OR51C1: variants seen among roughly 807,000 people sequenced by gnomAD.
OR51C1 encodes olfactory receptor OR51C1.
At chr11:4,695,692 C>T in the OR51C1 span, among the ~76,000 whole-genome samples, 3 of 152,028 alleles carry the variant, frequency 2.0e-5, no homozygotes, top group Admixed American at 2.0e-4. Context: ...TTTTTCTCTC[C>T]CTCATCTCAA....
chr11:4,692,172 G>A, the OR51C1 span: 1 of 452,822 alleles, frequency 2.2e-6, no homozygotes, highest in South Asian at 1.6e-5. Flanking sequence ...CATAAGTGTG[G>A]AAAGCAGAGA....
chr11:4,691,618 T>A, the OR51C1 span: 1 of 450,442 alleles, frequency 2.2e-6, no homozygotes, highest in Non-Finnish European at 4.5e-6. Flanking sequence ...GGAATGGAGA[T>A]CCAGGTGTGG....
At chr11:4,697,499 A>G in the OR51C1 span, among the ~76,000 whole-genome samples, 1 of 152,220 alleles carries the variant, frequency 6.6e-6, no homozygotes, top group Non-Finnish European at 1.5e-5. Flanking sequence ...ATTTCCTGGG[A>G]ATAAATAATT....
At chr11:4,694,427 C>A in the OR51C1 span, among the ~76,000 whole-genome samples, 1 of 151,624 alleles carries the variant, frequency 6.6e-6, no homozygotes, top group Non-Finnish European at 1.5e-5. Context: ...CACTTTAGCT[C>A]CTATCAACCA....
chr11:4,691,460 G>T, the OR51C1 span: 1 of 456,726 alleles, frequency 2.2e-6, no homozygotes, highest in South Asian at 1.6e-5. Context: ...TCAGCATGGT[G>T]ACCAGAGTGG....
At chr11:4,696,331 A>G in the OR51C1 span, among the ~76,000 whole-genome samples, 2 of 152,122 alleles carry the variant, frequency 1.3e-5, no homozygotes, top group Admixed American at 6.6e-5. Flanking sequence ...CTAGTAAATC[A>G]TTGAATTAAA....
chr11:4,695,923 A>T, the OR51C1 span, among the ~76,000 whole-genome samples: 1 of 152,072 alleles, frequency 6.6e-6, no homozygotes, highest in Non-Finnish European at 1.5e-5. Flanking sequence ...GGTTATTCTC[A>T]TGGCTTTAAA....
chr11:4,696,530 C>A, the OR51C1 span, among the ~76,000 whole-genome samples: 1 of 152,172 alleles, frequency 6.6e-6, no homozygotes, highest in Non-Finnish European at 1.5e-5. Context: ...GCTATTATTT[C>A]ATTGCATTTT....
At chr11:4,691,301 A>C in the OR51C1 span, 3 of 457,234 alleles carry the variant, frequency 6.6e-6, no homozygotes, top group Non-Finnish European at 1.3e-5. Context: ...AAATCATGGC[A>C]TACCTAAGGG....
At chr11:4,696,794 G>A in the OR51C1 span, among the ~76,000 whole-genome samples, 1 of 152,170 alleles carries the variant, frequency 6.6e-6, no homozygotes, top group East Asian at 1.9e-4. Flanking sequence ...ACTATTATAA[G>A]CTATAGCTTG....
chr11:4,692,900 A>G, the OR51C1 span, among the ~76,000 whole-genome samples: 2 of 152,100 alleles, frequency 1.3e-5, no homozygotes, highest in African/African-American at 4.8e-5. Flanking sequence ...ATTAACAGAA[A>G]ACTAGATGAA....
At chr11:4,693,108 T>C in the OR51C1 span, among the ~76,000 whole-genome samples, 1 of 152,172 alleles carries the variant, frequency 6.6e-6, no homozygotes, top group African/African-American at 2.4e-5. Context: ...ATTTTAAATG[T>C]TCACAGCACA....
At chr11:4,693,689 T>A in the OR51C1 span, among the ~76,000 whole-genome samples, 1 of 152,004 alleles carries the variant, frequency 6.6e-6, no homozygotes, top group Non-Finnish European at 1.5e-5. Flanking sequence ...GCCATTGCAC[T>A]CCAACCTGGG....
the OR51C1 span, chr11:4,690,876 G>C: frequency 4.4e-6 from 2 of 456,508 alleles, no homozygotes; most frequent in Non-Finnish European, 8.8e-6. Context: ...AGCAATCATA[G>C]TATGTACATA....
chr11:4,694,337 A>T, the OR51C1 span, among the ~76,000 whole-genome samples: 1 of 151,898 alleles, frequency 6.6e-6, no homozygotes, highest in East Asian at 1.9e-4. Flanking sequence ...CTTTACAAGC[A>T]TATCTTCCTG....
chr11:4,697,087 A>T, the OR51C1 span, among the ~76,000 whole-genome samples: 1 of 152,232 alleles, frequency 6.6e-6, no homozygotes, highest in Non-Finnish European at 1.5e-5. Context: ...GATTCACTTT[A>T]AATTCATTTT....
chr11:4,695,739 T>C, the OR51C1 span, among the ~76,000 whole-genome samples: 1 of 151,888 alleles, frequency 6.6e-6, no homozygotes, highest in Non-Finnish European at 1.5e-5. Flanking sequence ...CTTGAAACTT[T>C]CTCCTTCATT....
chr11:4,694,575 T>TATAC, the OR51C1 span, among the ~76,000 whole-genome samples: 13 of 147,954 alleles, frequency 8.8e-5, no homozygotes, highest in East Asian at 7.9e-4. Flanking sequence ...CATATATATA[T>TATAC]ACACACACAC....
At chr11:4,690,575 C>A in the OR51C1 span, 1 of 257,012 alleles carries the variant, frequency 3.9e-6, no homozygotes, top group Non-Finnish European at 7.6e-6. Flanking sequence ...TTCACCTCCT[C>A]ATCTGGAAAA....
Sources: allele counts gnomAD v4.1 joint callset (sites outside exome capture counted in the v4.1 genomes callset), GRCh38; gene constraint gnomAD v4.1.1; transcripts MANE v1.5; gene names NCBI Gene and HGNC (gene_info 2026-07-23, HGNC 2026-07-21).